DGKI: variants seen among roughly 807,000 people sequenced by gnomAD.
DGKI encodes the protein diacylglycerol kinase iota.
DGKI carries 55 observed loss-of-function variants against 147.5 expected under a neutral mutation model. The observed-to-expected ratio is 0.37, with a 90% confidence interval of 0.30 to 0.47. The LOEUF (loss-of-function observed/expected upper bound fraction) is 0.47, where lower values mean the gene tolerates loss of function less well. DGKI is among the 20% of genes least tolerant of loss of function. DGKI has a pLI of 1.00. For synonymous variants in DGKI, 469 were observed against 477.1 expected (o/e 0.98, Z 0.22); for missense variants, 1,007 against 1,323.8 (o/e 0.76, Z 3.71).
intron 19 of DGKI, among the ~76,000 whole-genome samples, chr7:137,564,509 T>C (rs1273677685): frequency 6.6e-6 from 1 of 152,172 alleles, no homozygotes; most frequent in Non-Finnish European, 1.5e-5. Flanking sequence ...ATATCTCTTC[T>C]ATTTCAACAA....
chr7:137,474,293 T>C (rs1815090520), intron 23 of DGKI, among the ~76,000 whole-genome samples: 1 of 152,234 alleles, frequency 6.6e-6, no homozygotes, highest in Non-Finnish European at 1.5e-5. Flanking sequence ...TGAAAATGCT[T>C]CACCTACATC....
At chr7:137,668,980 C>T (rs1039852245) in intron 3 of DGKI, among the ~76,000 whole-genome samples, 4 of 152,168 alleles carry the variant, frequency 2.6e-5, no homozygotes, top group African/African-American at 9.7e-5. Context: ...GTTATATATG[C>T]ATTAACTCTT....
chr7:137,630,963 C>T (rs1821103467), intron 6 of DGKI, among the ~76,000 whole-genome samples: 1 of 151,780 alleles, frequency 6.6e-6, no homozygotes, highest in South Asian at 2.1e-4. Context: ...CATTTTAATG[C>T]TAATAATATT....
chr7:137,617,308 A>G (rs2128996018), intron 8 of DGKI, among the ~76,000 whole-genome samples: 1 of 152,182 alleles, frequency 6.6e-6, no homozygotes, highest in Non-Finnish European at 1.5e-5. Flanking sequence ...TCAACGGGTA[A>G]GTGGCCTGAC....
intron 21 of DGKI, among the ~76,000 whole-genome samples, chr7:137,514,371 A>G (rs151187081): frequency 6.6e-6 from 1 of 152,284 alleles, no homozygotes; most frequent in African/African-American, 2.4e-5. Context: ...CTCTCTATGC[A>G]CTTTCACATT....
At chr7:137,770,934 T>G (rs937795876) in intron 1 of DGKI, among the ~76,000 whole-genome samples, 11 of 151,830 alleles carry the variant, frequency 7.2e-5, no homozygotes, top group African/African-American at 9.7e-5. Flanking sequence ...TCAGAAAGAG[T>G]TACCCACTTT....
chr7:137,585,797 C>A (rs931149942), intron 13 of DGKI, among the ~76,000 whole-genome samples: 84 of 152,194 alleles, frequency 5.5e-4, no homozygotes, highest in African/African-American at 2.0e-3. Context: ...CTCTCCCTGA[C>A]CTCCTTGGAA....
At chr7:137,611,352 C>T (rs1177335524) in intron 8 of DGKI, among the ~76,000 whole-genome samples, 2 of 152,084 alleles carry the variant, frequency 1.3e-5, no homozygotes, top group African/African-American at 4.8e-5. Context: ...TGCTCGTGCC[C>T]GGGCCCCATC....
At chr7:137,709,378 G>A (rs1794148689) in intron 1 of DGKI, among the ~76,000 whole-genome samples, 1 of 151,992 alleles carries the variant, frequency 6.6e-6, no homozygotes, top group Admixed American at 6.6e-5. Context: ...AAACACTTCT[G>A]GCATATTGTC....
chr7:137,447,257 A>G (rs540900876), intron 27 of DGKI, among the ~76,000 whole-genome samples: 2 of 152,230 alleles, frequency 1.3e-5, no homozygotes, highest in Non-Finnish European at 2.9e-5. Context: ...TCAATTTATT[A>G]CTTGAGACCC....
chr7:137,671,899 C>T (rs1418999673), intron 3 of DGKI, among the ~76,000 whole-genome samples: 2 of 152,152 alleles, frequency 1.3e-5, no homozygotes, highest in Non-Finnish European at 2.9e-5. Context: ...AAGAACAAAA[C>T]AATAACAAAA....
At chr7:137,673,656 C>A (rs1392946751) in intron 3 of DGKI, among the ~76,000 whole-genome samples, 2 of 152,204 alleles carry the variant, frequency 1.3e-5, no homozygotes, top group African/African-American at 4.8e-5. Context: ...TCAGTCCACA[C>A]AAAGTCTATT....
intron 1 of DGKI, among the ~76,000 whole-genome samples, chr7:137,827,975 A>AC (rs1241596742): frequency 6.6e-6 from 1 of 152,092 alleles, no homozygotes; most frequent in Non-Finnish European, 1.5e-5. Flanking sequence ...GGCACATTTA[A>AC]CCATCACTTG....
chr7:137,444,103 C>A lies in DGKI; in HGVS notation c.2736-1G>T. ...ATGATCTTCTGAAGAGACTGGTGACCTAAAAGGAAATAATAAGCATGATCA... is the reference window on the plus strand; with the variant it reads ...ATGATCTTCTGAAGAGACTGGTGACATAAAAGGAAATAATAAGCATGATCA... On this transcript the variant is annotated splice_acceptor_variant, in intron 27 of 32. Coordinates refer to ENST00000614521, the MANE Select transcript of DGKI (RefSeq NM_001321708.2). LOFTEE classifies it high-confidence loss of function. 6.7e-7 allele frequency: 1 copy of A among 1,496,474 alleles called. No homozygotes were observed. The highest frequency in any genetic ancestry group is 9.1e-7 in the Non-Finnish European group (1 of 1,098,072). The allele number at this position is 1,496,474 out of a possible 1,614,324, so 92.7% of individuals were successfully genotyped here. A position where few individuals can be genotyped will look rare whatever the true frequency, so the allele number is the denominator to read the frequency against.
intron 6 of DGKI, among the ~76,000 whole-genome samples, chr7:137,625,494 A>G (rs1010013713): frequency 2.0e-5 from 3 of 151,970 alleles, no homozygotes; most frequent in Non-Finnish European, 4.4e-5. Flanking sequence ...TTAAAAAAAA[A>G]TAAAGAAAGG....
chr7:137,701,379 AAAGGCAT>A (rs2116512919), intron 1 of DGKI, among the ~76,000 whole-genome samples: 1 of 151,854 alleles, frequency 6.6e-6, no homozygotes, highest in Non-Finnish European at 1.5e-5. Flanking sequence ...TAATAATAAT[AAAGGCAT>A]ACATATTGGG....
At chr7:137,479,825 C>T (rs1413988442) in intron 23 of DGKI, among the ~76,000 whole-genome samples, 1 of 152,124 alleles carries the variant, frequency 6.6e-6, no homozygotes, top group East Asian at 1.9e-4. Context: ...CCAACATCTC[C>T]CACATACAAG....
At chr7:137,703,874 G>A (rs1585389229) in intron 1 of DGKI, among the ~76,000 whole-genome samples, 1 of 152,258 alleles carries the variant, frequency 6.6e-6, no homozygotes, top group Non-Finnish European at 1.5e-5. Context: ...CACAGGAAAT[G>A]AGCAAGTCAA....
At chr7:137,516,876 T>A (rs1276040921) in intron 21 of DGKI, among the ~76,000 whole-genome samples, 35 of 152,042 alleles carry the variant, frequency 2.3e-4, no homozygotes, top group Admixed American at 2.3e-3. Flanking sequence ...CTCTGATCAT[T>A]TTGAAAGTGG....
Sources: gnomAD v4.1 joint callset for allele counts (sites outside exome capture counted in the v4.1 genomes callset) on GRCh38, gnomAD v4.1.1 for gene constraint, MANE v1.5 for transcripts, NCBI Gene and HGNC (gene_info 2026-07-23, HGNC 2026-07-21) for gene names.